CDK14: variants seen among roughly 807,000 people sequenced by gnomAD.
CDK14 encodes the protein cyclin dependent kinase 14.
A neutral mutation model predicts 60.7 loss-of-function variants in CDK14; 34 were observed. The observed-to-expected ratio is 0.56, with a 90% CI of 0.43 to 0.75. The LOEUF (loss-of-function observed/expected upper bound fraction) is 0.75, where lower values mean the gene tolerates loss of function less well. CDK14 is among the 30% of genes least tolerant of loss of function. The pLI, the probability that CDK14 is intolerant of heterozygous loss-of-function variation, is 0.00. For missense variants in CDK14, 482 were observed against 564.1 expected, an observed-to-expected ratio of 0.85 and a Z score of 1.47; for synonymous variants, 197 against 203.7, an observed-to-expected ratio of 0.97 and a Z score of 0.28.
chr7:90,744,524 G>C (rs1278436857), intron 3 of CDK14, among the ~76,000 whole-genome samples: 4 of 152,248 alleles, frequency 2.6e-5, no homozygotes, highest in African/African-American at 7.2e-5. Flanking sequence ...TGAGCTGTTG[G>C]GTAGACCTCC....
chr7:91,137,148 G>C (rs1221482827), intron 14 of CDK14, among the ~76,000 whole-genome samples: 2 of 152,134 alleles, frequency 1.3e-5, no homozygotes, highest in Non-Finnish European at 2.9e-5. Flanking sequence ...TCCTAAATAT[G>C]TTATTTTTTG....
intron 14 of CDK14, among the ~76,000 whole-genome samples, chr7:91,183,070 G>A (rs1802052461): frequency 6.6e-6 from 1 of 152,012 alleles, no homozygotes; most frequent in Non-Finnish European, 1.5e-5. Flanking sequence ...CAACCTTCAG[G>A]ATATATGATT....
At chr7:90,689,479 A>G (rs147447755) in intron 2 of CDK14, among the ~76,000 whole-genome samples, 40 of 152,300 alleles carry the variant, frequency 2.6e-4, no homozygotes, top group African/African-American at 9.4e-4. Context: ...GAGGAAGGGC[A>G]TGAATGAATG....
At chr7:90,605,778 G>T (rs1284871062) in intron 2 of CDK14, among the ~76,000 whole-genome samples, 5 of 152,044 alleles carry the variant, frequency 3.3e-5, no homozygotes, top group Admixed American at 3.3e-4. Flanking sequence ...ATTATATCCC[G>T]CTTTTTTCTT....
At chr7:90,821,370 C>T (rs568312996) in intron 5 of CDK14, among the ~76,000 whole-genome samples, 2 of 152,274 alleles carry the variant, frequency 1.3e-5, no homozygotes, top group East Asian at 1.9e-4. Context: ...AAATTAAGGC[C>T]GAGGGCCAGG....
At chr7:90,894,321 G>C (rs914089334) in intron 6 of CDK14, among the ~76,000 whole-genome samples, 2 of 152,174 alleles carry the variant, frequency 1.3e-5, no homozygotes, top group African/African-American at 2.4e-5. Flanking sequence ...CCTGCTCAAA[G>C]TTATGTAATA....
At chr7:90,737,252 C>A (rs945566569) in intron 3 of CDK14, among the ~76,000 whole-genome samples, 4 of 152,154 alleles carry the variant, frequency 2.6e-5, no homozygotes, top group African/African-American at 9.7e-5. Context: ...TTGAGTTATG[C>A]TGTCATAAGC....
chr7:91,052,448 A>G (rs1053363996), intron 11 of CDK14, among the ~76,000 whole-genome samples: 2 of 152,224 alleles, frequency 1.3e-5, no homozygotes, highest in Non-Finnish European at 2.9e-5. Flanking sequence ...GCAGAGAAGT[A>G]GGGAGGATCT....
chr7:91,119,247 G>A (rs1294870514), intron 14 of CDK14, among the ~76,000 whole-genome samples: 4 of 152,132 alleles, frequency 2.6e-5, no homozygotes, highest in Non-Finnish European at 4.4e-5. Context: ...TTGGGAGGCC[G>A]AGGCAGGCAG....
intron 11 of CDK14, among the ~76,000 whole-genome samples, chr7:91,048,747 C>G (rs1190007498): frequency 1.3e-5 from 2 of 152,080 alleles, no homozygotes; most frequent in African/African-American, 4.8e-5. Context: ...TTGCATGTGT[C>G]TTGTGATGAG....
chr7:90,968,218 T>A (rs1476979290), intron 9 of CDK14, among the ~76,000 whole-genome samples: 9 of 152,156 alleles, frequency 5.9e-5, no homozygotes, highest in South Asian at 4.1e-4. Flanking sequence ...TTAAAAAAAA[T>A]TTATTCTTCA....
At chr7:91,206,357 G>A (rs183380509) in intron 14 of CDK14, among the ~76,000 whole-genome samples, 10 of 152,308 alleles carry the variant, frequency 6.6e-5, no homozygotes, top group Admixed American at 3.3e-4. Context: ...GTGACCAGCA[G>A]CTTCTAAACT....
intron 9 of CDK14, among the ~76,000 whole-genome samples, chr7:90,965,631 T>A (rs577790750): frequency 6.6e-6 from 1 of 152,190 alleles, no homozygotes; most frequent in Non-Finnish European, 1.5e-5. Flanking sequence ...TGACTGCAGA[T>A]TCCCTTTATC....
intron 6 of CDK14, 61 bp downstream of exon 6, chr7:90,863,330 T>A: frequency 1.0e-6 from 1 of 986,772 alleles, no homozygotes; most frequent in South Asian, 1.5e-5. Context: ...TCTTATAGTG[T>A]TGTCATAGAA....
At chr7:90,864,197 A>T (rs1187750823) in intron 6 of CDK14, among the ~76,000 whole-genome samples, 1 of 152,020 alleles carries the variant, frequency 6.6e-6, no homozygotes, top group Non-Finnish European at 1.5e-5. Flanking sequence ...CTGTCATTTG[A>T]AAATTGTCTT....
chr7:90,722,492 A>G (rs993231857), intron 2 of CDK14, among the ~76,000 whole-genome samples: 1 of 152,190 alleles, frequency 6.6e-6, no homozygotes, highest in South Asian at 2.1e-4. Context: ...GGTGTGTATC[A>G]CCATGCCCAG....
At chr7:90,666,985 G>A (rs554458574) in intron 2 of CDK14, among the ~76,000 whole-genome samples, 6 of 152,196 alleles carry the variant, frequency 3.9e-5, no homozygotes, top group African/African-American at 1.4e-4. Flanking sequence ...CCTTAGCAAG[G>A]TTTTGCCATA....
chr7:90,723,784 T>C (rs917839870), intron 2 of CDK14, among the ~76,000 whole-genome samples: 2 of 152,290 alleles, frequency 1.3e-5, no homozygotes, highest in South Asian at 2.1e-4. Context: ...GTGGGATTAG[T>C]GTGACATTGT....
chr7:91,021,705 A>C (rs1796438645), intron 10 of CDK14, among the ~76,000 whole-genome samples: 1 of 152,170 alleles, frequency 6.6e-6, no homozygotes, highest in African/African-American at 2.4e-5. Context: ...TCCTGATTTG[A>C]AATTTTGTGG....
Sources: allele counts gnomAD v4.1 joint callset (sites outside exome capture counted in the v4.1 genomes callset), GRCh38; gene constraint gnomAD v4.1.1; transcripts MANE v1.5; gene names NCBI Gene and HGNC (gene_info 2026-07-23, HGNC 2026-07-21).